Variants in JMY observed in about 807,000 individuals in gnomAD.
JMY encodes the protein junction mediating and regulatory protein, p53 cofactor, also known as junction-mediating and -regulatory protein.
Under a neutral mutation model 103.3 loss-of-function variants are expected in JMY, and 46 were observed. That is an observed-to-expected ratio of 0.45 (90% confidence interval 0.35 to 0.57). The LOEUF is 0.57. JMY is among the 20% of genes least tolerant of loss of function. The pLI is 0.00. For missense variants in JMY, 1,238 were observed against 1,255.2 expected (o/e 0.99, Z 0.21); for synonymous variants, 526 against 489.3 (o/e 1.07, Z -0.99).
At chr5:79,316,732 C>T (rs1462438683) in intron 10 of JMY, among the ~76,000 whole-genome samples, 2 of 151,742 alleles carry the variant, frequency 1.3e-5, no homozygotes, top group Non-Finnish European at 2.9e-5. Context: ...ATGGTGAAAC[C>T]TCTTCTCTAC....
chr5:79,263,895 G>A (rs544191974), intron 1 of JMY, among the ~76,000 whole-genome samples: 1 of 151,574 alleles, frequency 6.6e-6, no homozygotes, highest in Non-Finnish European at 1.5e-5. Flanking sequence ...CCTCCCAGGT[G>A]CAAGCAATTC....
rs1747164774 is a variant in JMY, at chr5:79,314,784, C to G, written c.2592C>G (p.Asp864Glu). 1 of 1,612,456 alleles carries G rather than the reference C, an allele frequency of 6.2e-7. No individual in the cohort carries two copies. The highest frequency in any genetic ancestry group is 1.3e-5 in the African/African-American group (1 of 74,976). ...GTGCCCCCTCAGCACACCTCTTTGA[C>G]AGCAGCCAGCTGGTCAGTGCACGGA... ...SASAPSAHLFDSSQLVSARKK... is the reference protein window; with the variant it reads ...SASAPSAHLFESSQLVSARKK... The change falls in exon 9 of 11, where the codon GAC becomes GAG. Residue 864 changes from aspartate to glutamate, a missense_variant. Coordinates refer to ENST00000396137, the MANE Select transcript of JMY (RefSeq NM_152405.5).
intron 10 of JMY, among the ~76,000 whole-genome samples, chr5:79,318,759 TATAGAGAGAGAGAGAGAG>T (rs1194691782): frequency 4.9e-5 from 1 of 20,574 alleles, no homozygotes; most frequent in Admixed American, 4.2e-4. Flanking sequence ...TATATATATA[TATAGAGAGAGAGAGAGAG>T]AGAGAGAGAG....
At position 79,300,667 on chromosome 5, in the gene JMY, C is replaced by G; in HGVS notation, c.1694-9C>G. 6.3e-7 allele frequency: 1 copy of G among 1,581,420 alleles called. No individual in the cohort carries two copies. Among genetic ancestry groups the G allele is most frequent in the Non-Finnish European group, 8.6e-7 (1 of 1,169,474 alleles). On this transcript the variant is annotated splice_polypyrimidine_tract_variant and intron_variant, in intron 5 of 10. Transcript: ENST00000396137. ...TTTACCACTACTCTTTTTTGCTGTT[C>G]TGTAACAGAAAAAAGAGATGAAGTG...
At chr5:79,247,694 C>T (rs1179427526) in intron 1 of JMY, among the ~76,000 whole-genome samples, 1 of 151,568 alleles carries the variant, frequency 6.6e-6, no homozygotes, top group Non-Finnish European at 1.5e-5. Context: ...GCTCTGTTGC[C>T]CAGGATGGAG....
intron 1 of JMY, among the ~76,000 whole-genome samples, chr5:79,240,969 A>G (rs1199688662): frequency 6.6e-6 from 1 of 152,160 alleles, no homozygotes. Context: ...TGCATTCTTG[A>G]GGATATGTTA....
At chr5:79,272,032 A>AACCCGGGAGGTGGAGGTT (rs1281577222) in intron 1 of JMY, among the ~76,000 whole-genome samples, 1 of 151,742 alleles carries the variant, frequency 6.6e-6, no homozygotes, top group Non-Finnish European at 1.5e-5. Flanking sequence ...GAATTGCTTG[A>AACCCGGGAGGTGGAGGTT]ACCCGGGAGG....
At chr5:79,317,198 CTGAT>C (rs1441935363) in intron 10 of JMY, among the ~76,000 whole-genome samples, 2 of 151,898 alleles carry the variant, frequency 1.3e-5, no homozygotes, top group Non-Finnish European at 2.9e-5. Context: ...GTTGCATTGT[CTGAT>C]TATTTAACTT....
chr5:79,247,862 ATATTTTATTTTATTTTATTTTATATTT>A (rs1744952861), intron 1 of JMY, among the ~76,000 whole-genome samples: 1 of 148,172 alleles, frequency 6.7e-6, no homozygotes, highest in Admixed American at 6.7e-5. Context: ...TTTATTTTTT[ATATTTTATTTTATTTTATTTTATATTT>A]TATTTTATTT....
intron 8 of JMY, among the ~76,000 whole-genome samples, chr5:79,313,717 AAT>A (rs1747119118): frequency 6.6e-6 from 1 of 152,216 alleles, no homozygotes; most frequent in Non-Finnish European, 1.5e-5. Flanking sequence ...ATTCACTAAA[AAT>A]CTTTTTTTAA....
intron 7 of JMY, among the ~76,000 whole-genome samples, chr5:79,309,242 C>G (rs568497740): frequency 6.6e-5 from 10 of 152,236 alleles, no homozygotes; most frequent in African/African-American, 2.4e-4. Flanking sequence ...CAAGAAAGCT[C>G]TAGTTTCTCA....
chr5:79,276,596 A>G (rs1052595487), intron 1 of JMY, among the ~76,000 whole-genome samples: 8 of 151,754 alleles, frequency 5.3e-5, no homozygotes, highest in Admixed American at 3.3e-4. Flanking sequence ...CTCCCAAGAA[A>G]TCTTGCCTAA....
intron 1 of JMY, among the ~76,000 whole-genome samples, chr5:79,252,030 C>T (rs1221182130): frequency 6.6e-6 from 1 of 152,078 alleles, no homozygotes; most frequent in African/African-American, 2.4e-5. Context: ...CCTGCCTCGG[C>T]CTCTCAAAGT....
At chr5:79,283,176 A>G (rs1746172121) in intron 2 of JMY, among the ~76,000 whole-genome samples, 1 of 151,822 alleles carries the variant, frequency 6.6e-6, no homozygotes, top group South Asian at 2.1e-4. Context: ...ATTTTTTAGT[A>G]GAGGGGGGTT....
chr5:79,301,216 T>C (rs1580365060), intron 6 of JMY, among the ~76,000 whole-genome samples: 1 of 152,248 alleles, frequency 6.6e-6, no homozygotes, highest in African/African-American at 2.4e-5. Flanking sequence ...TATTTCTTTA[T>C]TTAACTTTGA....
At chr5:79,310,207 C>T (rs1390195241) in intron 7 of JMY, among the ~76,000 whole-genome samples, 2 of 151,792 alleles carry the variant, frequency 1.3e-5, no homozygotes, top group Admixed American at 1.3e-4. Flanking sequence ...GGATTACAGG[C>T]ACATGCCACC....
chr5:79,261,955 G>A (rs1745437042), intron 1 of JMY, among the ~76,000 whole-genome samples: 2 of 152,186 alleles, frequency 1.3e-5, no homozygotes, highest in African/African-American at 4.8e-5. Flanking sequence ...TGAATCAATA[G>A]AGCAAAATCA....
At chr5:79,257,100 A>T (rs1468976418) in intron 1 of JMY, among the ~76,000 whole-genome samples, 1 of 148,208 alleles carries the variant, frequency 6.7e-6, no homozygotes, top group Non-Finnish European at 1.5e-5. Flanking sequence ...ATGGAGTCTC[A>T]CTCACTCTGT....
intron 1 of JMY, among the ~76,000 whole-genome samples, chr5:79,242,615 C>A (rs1170184329): frequency 6.6e-6 from 1 of 152,124 alleles, no homozygotes; most frequent in Non-Finnish European, 1.5e-5. Context: ...CCGATGAAAG[C>A]CTAGATTTGT....
Sources: allele counts gnomAD v4.1 joint callset (sites outside exome capture counted in the v4.1 genomes callset), GRCh38; gene constraint gnomAD v4.1.1; transcripts MANE v1.5; gene names NCBI Gene and HGNC (gene_info 2026-07-23, HGNC 2026-07-21).